Variants in FUT8 observed in about 807,000 individuals in gnomAD.
The protein encoded by FUT8 is alpha-(1,6)-fucosyltransferase.
FUT8 carries 29 observed loss-of-function variants against 71.3 expected under a neutral mutation model. The observed-to-expected ratio is 0.41, with a 90% CI of 0.30 to 0.55. The LOEUF (loss-of-function observed/expected upper bound fraction) is 0.55, where lower values mean the gene tolerates loss of function less well. FUT8 is among the 20% of genes least tolerant of loss of function. FUT8 has a pLI of 0.34. For missense variants in FUT8, 544 were observed against 702.1 expected (o/e 0.77, Z 2.55); for synonymous variants, 254 against 239.3 (o/e 1.06, Z -0.57).
intron 1 of FUT8, among the ~76,000 whole-genome samples, chr14:65,439,190 T>C (rs559471954): frequency 2.2e-4 from 34 of 152,286 alleles, no homozygotes; most frequent in African/African-American, 6.5e-4. Context: ...GTCACAGTTA[T>C]TGGTTCAAGG....
rs577408490 is a variant in FUT8, at chr14:65,587,194, A to C, written c.203+25428A>C. 3.6e-4 allele frequency among the ~76,000 whole-genome samples: 55 copies of C among 152,034 alleles called. 1 individual carries two copies. The highest frequency in any genetic ancestry group is 1.1e-3 in the African/African-American group (45 of 41,498). On this transcript the variant is annotated intron_variant, in intron 3 of 10. Coordinates refer to ENST00000673929, the MANE Select transcript of FUT8 (RefSeq NM_001371533.1). ...ACAGAGCGAGACTCTGTCTCAAAAA[A>C]AAAAAAAACAAAAAAAACTAATTTT...
At chr14:65,541,283 G>C (rs982903299) in intron 2 of FUT8, among the ~76,000 whole-genome samples, 13 of 152,146 alleles carry the variant, frequency 8.5e-5, no homozygotes, top group Non-Finnish European at 7.4e-5. Context: ...TAAATAAATA[G>C]ATACATAAGA....
At chr14:65,722,628 T>G (rs1895474550) in intron 8 of FUT8, among the ~76,000 whole-genome samples, 1 of 152,232 alleles carries the variant, frequency 6.6e-6, no homozygotes, top group African/African-American at 2.4e-5. Context: ...TGAAATTCAA[T>G]GGAATCATTC....
intron 7 of FUT8, among the ~76,000 whole-genome samples, chr14:65,687,248 T>C (rs1893335396): frequency 6.6e-6 from 1 of 152,234 alleles, no homozygotes; most frequent in Non-Finnish European, 1.5e-5. Context: ...CATCCTTTTT[T>C]ACTTTTAATC....
rs117583867 is a variant in FUT8, at chr14:65,473,454, T to C, written c.-228+17736T>C. 6.0e-3 allele frequency among the ~76,000 whole-genome samples: 916 copies of C among 152,298 alleles called. 10 individuals are homozygous for C. The highest frequency in any genetic ancestry group is 0.035 in the East Asian group (184 of 5,188). On this transcript the variant is annotated intron_variant, in intron 2 of 10. Coordinates refer to ENST00000673929, the MANE Select transcript of FUT8 (RefSeq NM_001371533.1). ...GGGATTAGAAATTTTTTCTTACTTA[T>C]ATAATTAGAAAACAATGCTTTTGGA...
intron 7 of FUT8, among the ~76,000 whole-genome samples, chr14:65,693,150 G>T (rs1173074966): frequency 1.3e-5 from 2 of 152,242 alleles, no homozygotes; most frequent in South Asian, 2.1e-4. Flanking sequence ...GGAGGCCAAG[G>T]CAGGCGGCTG....
At chr14:65,701,480 T>C (rs1172372647) in intron 7 of FUT8, among the ~76,000 whole-genome samples, 4 of 152,248 alleles carry the variant, frequency 2.6e-5, no homozygotes. Flanking sequence ...TACATAATTA[T>C]TAGAAAATAC....
chr14:65,729,919 C>A (rs1895888868), intron 9 of FUT8, among the ~76,000 whole-genome samples: 1 of 151,678 alleles, frequency 6.6e-6, no homozygotes, highest in Admixed American at 6.6e-5. Context: ...CTTTGTAAAT[C>A]CTTTTATTTT....
At chr14:65,561,881 C>T (rs946695827) in intron 3 of FUT8, 115 bp downstream of exon 3, 2 of 828,066 alleles carry the variant, frequency 2.4e-6, no homozygotes, top group East Asian at 2.7e-5. Flanking sequence ...GCTGTCTTTG[C>T]CACAACTTAG....
At chr14:65,604,189 G>T (rs981065069) in intron 3 of FUT8, among the ~76,000 whole-genome samples, 1 of 151,770 alleles carries the variant, frequency 6.6e-6, no homozygotes, top group African/African-American at 2.4e-5. Flanking sequence ...CACTAGACAG[G>T]TCATCAAGAC....
At chr14:65,522,860 A>G (rs1039571726) in intron 2 of FUT8, among the ~76,000 whole-genome samples, 2 of 151,898 alleles carry the variant, frequency 1.3e-5, no homozygotes, top group Non-Finnish European at 2.9e-5. Flanking sequence ...GCTCAGAATG[A>G]TGGTTTCCAG....
At chr14:65,579,794 T>G (rs1168341395) in intron 3 of FUT8, among the ~76,000 whole-genome samples, 2 of 152,116 alleles carry the variant, frequency 1.3e-5, no homozygotes, top group Non-Finnish European at 2.9e-5. Context: ...TTGCCAGATC[T>G]AAGCTGATTT....
intron 9 of FUT8, among the ~76,000 whole-genome samples, chr14:65,727,022 A>G (rs1226252562): frequency 6.6e-6 from 1 of 152,240 alleles, no homozygotes; most frequent in Non-Finnish European, 1.5e-5. Flanking sequence ...CCTCACAGCC[A>G]GGTCACAGTG....
intron 2 of FUT8, among the ~76,000 whole-genome samples, chr14:65,535,650 TG>T (rs1884257009): frequency 6.6e-6 from 1 of 152,192 alleles, no homozygotes; most frequent in South Asian, 2.1e-4. Context: ...AGAGAGTAGT[TG>T]GTATGATTTC....
At position 65,616,376 on chromosome 14, in the gene FUT8, A is replaced by T; in HGVS notation, c.482+3A>T. 6.4e-7 allele frequency: 1 copy of T among 1,559,768 alleles called. No individual in the cohort carries two copies. ...TTGGATTTAGGACATCATGAAAGGT[A>T]CTATTCTCCTTTCACATTTTATTTG... On this transcript the variant is annotated splice_donor_region_variant and intron_variant, in intron 5 of 10. Coordinates refer to ENST00000673929, the MANE Select transcript of FUT8 (RefSeq NM_001371533.1).
At chr14:65,383,092 C>G in the FUT8 span, among the ~76,000 whole-genome samples, 2 of 152,004 alleles carry the variant, frequency 1.3e-5, no homozygotes, top group African/African-American at 2.4e-5. Flanking sequence ...CTACCACCAA[C>G]CAACGCCCCA....
At chr14:65,433,531 A>G (rs2065508022) in intron 1 of FUT8, among the ~76,000 whole-genome samples, 1 of 152,254 alleles carries the variant, frequency 6.6e-6, no homozygotes, top group Non-Finnish European at 1.5e-5. Flanking sequence ...TTTGTGAAAG[A>G]GCATGCAATG....
intron 2 of FUT8, among the ~76,000 whole-genome samples, chr14:65,493,322 C>G (rs1177963917): frequency 6.6e-6 from 1 of 152,040 alleles, no homozygotes; most frequent in Admixed American, 6.6e-5. Flanking sequence ...ATTATGGGCT[C>G]CAGTATTTGG....
Position 65,659,826 on chromosome 14 carries a change from G to A in FUT8, c.598-9417G>A, listed in dbSNP as rs931338361. Among the ~76,000 whole-genome samples the A allele has an allele frequency of 2.0e-5, 3 of 151,878 alleles. No homozygotes were observed. In the East Asian group the frequency reaches 5.8e-4, roughly 29 times the overall value. On this transcript the variant is annotated intron_variant, in intron 6 of 10. Coordinates refer to ENST00000673929, the MANE Select transcript of FUT8 (RefSeq NM_001371533.1). ...AAAAGAGTACCTGTCATATTTTTGA[G>A]GAAAGAGACCGTAATGAATTCTGTC... is the stretch of plus-strand genomic sequence containing the variant.
Sources: allele counts gnomAD v4.1 joint callset (sites outside exome capture counted in the v4.1 genomes callset), GRCh38; gene constraint gnomAD v4.1.1; transcripts MANE v1.5; gene names NCBI Gene and HGNC (gene_info 2026-07-23, HGNC 2026-07-21).